GLI2: variants seen among roughly 807,000 people sequenced by gnomAD.
GLI2 encodes GLI family zinc finger 2.
GLI2 carries 22 observed loss-of-function variants against 78.9 expected under a neutral mutation model. The observed-to-expected ratio is 0.28, with a 90% CI of 0.20 to 0.40. The LOEUF is 0.40. GLI2 is among the 10% of genes least tolerant of loss of function. GLI2 has a pLI of 1.00. For missense variants in GLI2, 2,097 were observed against 2,213.2 expected, an observed-to-expected ratio of 0.95 and a Z score of 1.05; for synonymous variants, 974 against 963.7, an observed-to-expected ratio of 1.01 and a Z score of -0.20.
chr2:120,905,335 C>T (rs1484985804), intron 2 of GLI2, among the ~76,000 whole-genome samples: 1 of 152,176 alleles, frequency 6.6e-6, no homozygotes, highest in East Asian at 1.9e-4. Context: ...TGTCCCTGTG[C>T]ATACTCCAGC....
Position 120,848,507 on chromosome 2 carries a change from G to C in GLI2, c.148+51039G>C, listed in dbSNP as rs574036083. Reference sequence around the variant, plus strand: ...GGGTGGAGGCAGGGTACTCAGGACAGGGATGAAAACTTAGGTCTGTTTTTC... The same window carrying C: ...GGGTGGAGGCAGGGTACTCAGGACACGGATGAAAACTTAGGTCTGTTTTTC... On this transcript the variant is annotated intron_variant, in intron 2 of 13. Coordinates refer to ENST00000361492, the MANE Select transcript of GLI2 (RefSeq NM_001374353.1). 2.6e-5 allele frequency among the ~76,000 whole-genome samples: 4 copies of C among 152,296 alleles called. No individual in the cohort carries two copies. The East Asian group carries it at 7.7e-4, about 29-fold the overall frequency.
intron 1 of GLI2, among the ~76,000 whole-genome samples, chr2:120,739,833 A>G (rs1682474073): frequency 1.3e-5 from 2 of 152,274 alleles, no homozygotes; most frequent in Non-Finnish European, 2.9e-5. Context: ...GATTGTACCA[A>G]CAACCAGAAT....
At chr2:120,920,715 A>AC (rs1553466422) in intron 2 of GLI2, among the ~76,000 whole-genome samples, 1 of 150,384 alleles carries the variant, frequency 6.6e-6, no homozygotes, top group Admixed American at 6.6e-5. Context: ...ACAAATGTGC[A>AC]TTTTTTTTTC....
intron 2 of GLI2, among the ~76,000 whole-genome samples, chr2:120,861,416 T>C (rs916368331): frequency 6.6e-6 from 1 of 152,192 alleles, no homozygotes. Context: ...GCCCCTGTGA[T>C]TCAGCTCCAG....
chr2:120,865,908 A>G (rs1213844538), intron 2 of GLI2, among the ~76,000 whole-genome samples: 1 of 152,170 alleles, frequency 6.6e-6, no homozygotes, highest in African/African-American at 2.4e-5. Context: ...CCCCCTGTTC[A>G]AGAGAGGGAA....
intron 2 of GLI2, among the ~76,000 whole-genome samples, chr2:120,926,430 A>C (rs756014946): frequency 6.6e-6 from 1 of 152,128 alleles, no homozygotes; most frequent in Non-Finnish European, 1.5e-5. Context: ...TCACAAACCC[A>C]TCCACATTTC....
chr2:120,742,879 T>TTAA (rs1682592030), intron 1 of GLI2, among the ~76,000 whole-genome samples: 1 of 152,220 alleles, frequency 6.6e-6, no homozygotes. Flanking sequence ...AATGATTTAC[T>TTAA]TAATAATTTC....
intron 1 of GLI2, among the ~76,000 whole-genome samples, chr2:120,778,966 G>A (rs1683760602): frequency 6.6e-6 from 1 of 152,204 alleles, no homozygotes; most frequent in South Asian, 2.1e-4. Flanking sequence ...AAATTGGACA[G>A]GGGAAAATTT....
At chr2:120,837,795 C>A (rs1467142488) in intron 2 of GLI2, among the ~76,000 whole-genome samples, 1 of 152,134 alleles carries the variant, frequency 6.6e-6, no homozygotes, top group African/African-American at 2.4e-5. Flanking sequence ...TGTCACATGT[C>A]AATTTTCCTT....
rs931697483 is a variant in GLI2, at chr2:120,800,806, G to A, written c.148+3338G>A. ...CAGGTGTGAGCCACCGCACCCGGCC[G>A]AAAGGGATGACTTATACGAGCTTAG... On this transcript the variant is annotated intron_variant, in intron 2 of 13. Transcript: ENST00000361492. The surrounding 1 kb of genome is among the most constrained non-coding windows in gnomAD (Gnocchi z 4.1). 2.0e-5 allele frequency among the ~76,000 whole-genome samples: 3 copies of A among 152,106 alleles called. No individual in the cohort carries two copies. The highest frequency in any genetic ancestry group is 2.9e-5 in the Non-Finnish European group (2 of 68,026).
Position 120,737,149 on chromosome 2 carries a change from A to G in GLI2, c.-31+864A>G, listed in dbSNP as rs1300531212. The stretch of plus-strand genomic sequence containing the variant: ...GCGGAGAGAGTTGGGCGCCAATCCT[A>G]TTAAGGGTTTAGAGAGGGGAGTCTT... On this transcript the variant is annotated intron_variant, in intron 1 of 13. Transcript: ENST00000361492. This position sits in a 1 kb window ranked among gnomAD's most constrained non-coding sequence, Gnocchi z 4.3. 1.3e-5 allele frequency among the ~76,000 whole-genome samples: 2 copies of G among 151,986 alleles called. No individual in the cohort carries two copies. Among genetic ancestry groups the G allele is most frequent in the Non-Finnish European group, 2.9e-5 (2 of 67,954 alleles).
chr2:120,855,662 G>A (rs1050261404), intron 2 of GLI2, among the ~76,000 whole-genome samples: 1 of 152,244 alleles, frequency 6.6e-6, no homozygotes, highest in Non-Finnish European at 1.5e-5. Flanking sequence ...TTTTCTTAGG[G>A]TTCCAGGCAC....
chr2:120,742,733 T>C (rs1431327063), intron 1 of GLI2, among the ~76,000 whole-genome samples: 1 of 151,148 alleles, frequency 6.6e-6, no homozygotes, highest in East Asian at 1.9e-4. Flanking sequence ...AGCACGTACA[T>C]CATGTCAACG....
At chr2:120,877,392 C>A (rs1482545936) in intron 2 of GLI2, among the ~76,000 whole-genome samples, 1 of 152,146 alleles carries the variant, frequency 6.6e-6, no homozygotes, top group East Asian at 1.9e-4. Flanking sequence ...CATACATAAC[C>A]GTAAAGTGCA....
chr2:120,764,542 G>GGGAC, intron 1 of GLI2, among the ~76,000 whole-genome samples: 1 of 152,202 alleles, frequency 6.6e-6, no homozygotes, highest in East Asian at 1.9e-4. Flanking sequence ...GGGTATTGGA[G>GGGAC]GGACCACTGG....
At chr2:120,881,652 T>A (rs923263342) in intron 2 of GLI2, among the ~76,000 whole-genome samples, 1 of 25,102 alleles carries the variant, frequency 4.0e-5, no homozygotes, top group Admixed American at 5.0e-4. Context: ...GAGGGCAGTT[T>A]GGGGGAGGAC....
intron 3 of GLI2, among the ~76,000 whole-genome samples, chr2:120,949,178 C>T (rs951207298): frequency 3.3e-5 from 5 of 152,190 alleles, no homozygotes; most frequent in African/African-American, 4.8e-5. Flanking sequence ...TCTCCTCTCC[C>T]GGGCACACAT....
intron 1 of GLI2, among the ~76,000 whole-genome samples, chr2:120,750,491 G>A (rs533262689): frequency 6.6e-6 from 1 of 152,234 alleles, no homozygotes; most frequent in South Asian, 2.1e-4. Flanking sequence ...GTAAAATGAG[G>A]ATAACTCTAA....
At chr2:120,805,295 G>A (rs550653239) in intron 2 of GLI2, among the ~76,000 whole-genome samples, 1 of 152,310 alleles carries the variant, frequency 6.6e-6, no homozygotes, top group African/African-American at 2.4e-5. Context: ...GCAGAGACCG[G>A]CACACATGTT....
Sources: allele counts gnomAD v4.1 joint callset (sites outside exome capture counted in the v4.1 genomes callset), GRCh38; gene constraint gnomAD v4.1.1; non-coding constraint Gnocchi (gnomAD v3.1); transcripts MANE v1.5; gene names NCBI Gene and HGNC (gene_info 2026-07-23, HGNC 2026-07-21).